Variants in TRPM6 observed in about 807,000 individuals in gnomAD.
TRPM6 encodes the protein transient receptor potential cation channel subfamily M member 6, also known as channel kinase 2.
In TRPM6, 111 loss-of-function variants were observed where a neutral mutation model predicts 247.6. That is an observed-to-expected ratio of 0.45 (90% CI 0.38 to 0.52). The LOEUF (loss-of-function observed/expected upper bound fraction) is 0.52. TRPM6 is among the 20% of genes least tolerant of loss of function. The pLI, the probability that TRPM6 is intolerant of heterozygous loss-of-function variation, is 0.00. For synonymous variants in TRPM6, 892 were observed against 853.8 expected (o/e 1.04, Z -0.78); for missense variants, 2,126 against 2,421.5 (o/e 0.88, Z 2.56).
rs1587457027 is a variant in TRPM6 at position 74,740,064 on chromosome 9, G to A, written c.5201-55C>T. The A allele has an allele frequency of 1.9e-6, 3 of 1,581,104 alleles. No individual in the cohort carries two copies. The East Asian group carries it at 6.8e-5, about 36-fold the overall frequency. ...AATAAGATTGCCATGTCTGTGACAT[G>A]AATAGTATCCTAAATATCAATGCAG... On this transcript the variant is annotated intron_variant, in intron 33 of 38. Coordinates refer to ENST00000360774, the MANE Select transcript of TRPM6 (RefSeq NM_017662.5).
chr9:74,862,851 G>A (rs754786081), intron 1 of TRPM6, among the ~76,000 whole-genome samples: 2 of 151,572 alleles, frequency 1.3e-5, no homozygotes, highest in Non-Finnish European at 2.9e-5. Flanking sequence ...CGTGGTGTCG[G>A]GCGCCTATAG....
chr9:74,885,380 AT>A (rs1344532311), intron 1 of TRPM6, among the ~76,000 whole-genome samples: 1 of 152,224 alleles, frequency 6.6e-6, no homozygotes, highest in Non-Finnish European at 1.5e-5. Flanking sequence ...AGAAGGAGCA[AT>A]TATAAGGAAT....
intron 10 of TRPM6, 42 bp downstream of exon 10, chr9:74,816,850 A>G (rs890906857): frequency 6.2e-7 from 1 of 1,609,666 alleles, no homozygotes; most frequent in Middle Eastern, 1.7e-4. Context: ...GAACATGAGA[A>G]GCGTAAATGA....
At position 74,752,409 on chromosome 9, in the gene TRPM6, T is replaced by C. The variant is rs762890002; in HGVS notation, c.4907-41A>G. 202 of 1,118,278 alleles carry C rather than the reference T, an allele frequency of 1.8e-4. 1 individual carries two copies. Among genetic ancestry groups the C allele is most frequent in the Admixed American group, 1.4e-3 (72 of 51,442 alleles). 69.3% of individuals were successfully genotyped at this position (1,118,278 alleles called of 1,614,324 possible). ...AGAAAGATTAGAAAATACATGAAAA[T>C]GTGTTACATTCAAATCACAGTTCCC... On this transcript the variant is annotated intron_variant, in intron 28 of 38. Coordinates refer to ENST00000360774, the MANE Select transcript of TRPM6 (RefSeq NM_017662.5).
intron 11 of TRPM6, among the ~76,000 whole-genome samples, chr9:74,814,513 T>C (rs933203507): frequency 1.3e-5 from 2 of 152,302 alleles, no homozygotes; most frequent in African/African-American, 4.8e-5. Context: ...TACTTTGATG[T>C]GATTATTACA....
chr9:74,868,071 T>C (rs1830909039), intron 1 of TRPM6, among the ~76,000 whole-genome samples: 1 of 150,564 alleles, frequency 6.6e-6, no homozygotes, highest in African/African-American at 2.4e-5. Flanking sequence ...GGAGAATCAC[T>C]TGAATCCGGG....
At chr9:74,843,888 G>A (rs1187242421) in intron 3 of TRPM6, among the ~76,000 whole-genome samples, 1 of 151,634 alleles carries the variant, frequency 6.6e-6, no homozygotes, top group Non-Finnish European at 1.5e-5. Flanking sequence ...CAGAATGGAT[G>A]TTGTGTTAGC....
chr9:74,767,439 C>A (rs928093111), intron 25 of TRPM6, among the ~76,000 whole-genome samples: 4 of 152,148 alleles, frequency 2.6e-5, no homozygotes, highest in African/African-American at 9.7e-5. Flanking sequence ...TCACTTGATT[C>A]GAGAAGGATA....
chr9:74,853,452 A>G (rs111285777), intron 3 of TRPM6, among the ~76,000 whole-genome samples: 2,714 of 152,312 alleles, frequency 0.018, 71 homozygotes, highest in African/African-American at 0.061. Flanking sequence ...GAGAAATCAG[A>G]TTGTTACCGT....
At chr9:74,802,962 C>T (rs1195924869) in intron 15 of TRPM6, among the ~76,000 whole-genome samples, 1 of 152,106 alleles carries the variant, frequency 6.6e-6, no homozygotes, top group Non-Finnish European at 1.5e-5. Flanking sequence ...ATTATATCCT[C>T]CCCTCCCCAC....
At chr9:74,745,718 T>C (rs1169788621) in intron 31 of TRPM6, among the ~76,000 whole-genome samples, 3 of 152,130 alleles carry the variant, frequency 2.0e-5, no homozygotes, top group South Asian at 4.1e-4. Flanking sequence ...CACAGTGAAA[T>C]GCACTGACAG....
intron 28 of TRPM6, among the ~76,000 whole-genome samples, chr9:74,754,823 C>T (rs1048725460): frequency 1.1e-4 from 16 of 152,132 alleles, no homozygotes; most frequent in Admixed American, 9.2e-4. Flanking sequence ...CCTATTTCAC[C>T]GTCCAGGCCT....
intron 23 of TRPM6, among the ~76,000 whole-genome samples, chr9:74,778,085 C>G (rs1299123487): frequency 2.0e-5 from 3 of 152,240 alleles, no homozygotes; most frequent in Non-Finnish European, 4.4e-5. Flanking sequence ...AGACCTCCAG[C>G]TGTCCCAGTG....
rs1825735158 is a variant in TRPM6 at position 74,737,556 on chromosome 9, T to C, written c.5776+851A>G. On this transcript the variant is annotated intron_variant, in intron 36 of 38. Coordinates refer to ENST00000360774, the MANE Select transcript of TRPM6 (RefSeq NM_017662.5). ...ACTCTTAAAAGAAATAAAAGAACAG[T>C]GAAAAGAAAAGAACAGGGATGTCTT... is the stretch of plus-strand genomic sequence containing the variant. 4 of 641,592 alleles carry C rather than the reference T, an allele frequency of 6.2e-6. No individual in the cohort carries two copies. In the Middle Eastern group the frequency reaches 9.1e-4, roughly 147 times the overall value. The allele number at this position is 641,592 out of a possible 1,614,324, so 39.7% of individuals were successfully genotyped here.
chr9:74,802,886 C>T (rs74920219), intron 15 of TRPM6, among the ~76,000 whole-genome samples: 1,653 of 152,264 alleles, frequency 0.011, 41 homozygotes, highest in African/African-American at 0.038. Flanking sequence ...GTGTCTTTAT[C>T]TCTGGGCTCA....
At chr9:74,865,533 A>G (rs1391782092) in intron 1 of TRPM6, among the ~76,000 whole-genome samples, 2 of 152,210 alleles carry the variant, frequency 1.3e-5, no homozygotes, top group Non-Finnish European at 2.9e-5. Context: ...TGCTGGGCCT[A>G]TTTGTAGTAC....
intron 3 of TRPM6, among the ~76,000 whole-genome samples, chr9:74,849,450 G>A (rs1459700266): frequency 6.6e-6 from 1 of 151,944 alleles, no homozygotes; most frequent in Non-Finnish European, 1.5e-5. Context: ...AGATCCCCAG[G>A]ATGTGTGCAC....
chr9:74,754,923 G>C (rs1310117375), intron 28 of TRPM6, among the ~76,000 whole-genome samples: 1 of 152,146 alleles, frequency 6.6e-6, no homozygotes, highest in Non-Finnish European at 1.5e-5. Context: ...ATTGCCCACA[G>C]AATAAACACT....
At chr9:74,820,836 T>A (rs1829109796) in intron 8 of TRPM6, among the ~76,000 whole-genome samples, 1 of 152,194 alleles carries the variant, frequency 6.6e-6, no homozygotes, top group South Asian at 2.1e-4. Context: ...CTGGTAGATT[T>A]CCAGAGGGCT....
Sources: allele counts gnomAD v4.1 joint callset (sites outside exome capture counted in the v4.1 genomes callset), GRCh38; gene constraint gnomAD v4.1.1; transcripts MANE v1.5; gene names NCBI Gene and HGNC (gene_info 2026-07-23, HGNC 2026-07-21).